Variants in SORT1 observed in about 807,000 individuals in gnomAD.
SORT1 encodes sortilin.
In SORT1, 39 loss-of-function variants were observed where a neutral mutation model predicts 101.7. The ratio of observed to expected loss-of-function variants is 0.38; its 90% CI spans 0.30 to 0.50. SORT1 has a LOEUF of 0.50. Ranked by LOEUF, SORT1 falls within the 20% of genes least tolerant of loss-of-function variation. The probability of loss-of-function intolerance (pLI) is 0.90; values close to 1 mark genes in which losing one functional copy is unlikely to be tolerated. For missense variants in SORT1, 878 were observed against 1,040.4 expected (o/e 0.84, Z 2.15); for synonymous variants, 396 against 393.7 (o/e 1.01, Z -0.07).
Position 109,347,595 on chromosome 1 carries a change from T to G in SORT1, c.783-63A>C, listed in dbSNP as rs1557800719. On this transcript the variant is annotated intron_variant, in intron 6 of 19. Transcript: ENST00000256637. Reference sequence around the variant, plus strand: ...AGACTGCTGAAGGACTGTGTTGACCTTACTCACAAACTTCCTAGCAGGTCT... The same window carrying G: ...AGACTGCTGAAGGACTGTGTTGACCGTACTCACAAACTTCCTAGCAGGTCT... The G allele has an allele frequency of 1.0e-5, 12 of 1,188,198 alleles. No homozygotes were observed. The East Asian group carries it at 2.8e-4, about 28-fold the overall frequency. The allele number at this position is 1,188,198 out of a possible 1,614,324, so 73.6% of individuals were successfully genotyped here.
At chr1:109,327,727 CTATT>C in intron 11 of SORT1, 126 bp from the exon 12 acceptor site, 3 of 527,740 alleles carry the variant, frequency 5.7e-6, no homozygotes, top group South Asian at 3.1e-5. Context: ...ACTATCTTAA[CTATT>C]TATTTACTAT....
intron 1 of SORT1, among the ~76,000 whole-genome samples, chr1:109,387,949 CA>C (rs913320279): frequency 1.0e-4 from 15 of 144,758 alleles, no homozygotes; most frequent in Non-Finnish European, 1.1e-4. Context: ...GACCCTGTCT[CA>C]AAAAAAAAAG....
intron 6 of SORT1, among the ~76,000 whole-genome samples, chr1:109,349,041 T>TA (rs1466353036): frequency 6.6e-6 from 1 of 152,144 alleles, no homozygotes; most frequent in East Asian, 1.9e-4. Flanking sequence ...CAATTTAACT[T>TA]AGTTATCTTA....
intron 11 of SORT1, among the ~76,000 whole-genome samples, chr1:109,334,949 A>AT (rs968893235): frequency 3.9e-5 from 6 of 152,096 alleles, no homozygotes; most frequent in African/African-American, 9.7e-5. Flanking sequence ...TTTTACTACT[A>AT]TTTTTTTAAA....
chr1:109,347,079 A>G (rs1346296361), intron 7 of SORT1, among the ~76,000 whole-genome samples: 1 of 152,232 alleles, frequency 6.6e-6, no homozygotes, highest in Non-Finnish European at 1.5e-5. Context: ...AGGTGCTCAA[A>G]TATCTGTTGA....
At chr1:109,368,334 T>C (rs989968446) in intron 2 of SORT1, 1 of 150,102 alleles carries the variant, frequency 6.7e-6, no homozygotes, top group African/African-American at 2.4e-5. Context: ...AGATACCAAC[T>C]ATCTAAGATA....
chr1:109,345,468 T>C (rs930532974), intron 8 of SORT1, among the ~76,000 whole-genome samples: 1 of 151,822 alleles, frequency 6.6e-6, no homozygotes, highest in Non-Finnish European at 1.5e-5. Flanking sequence ...TGAGCCGAGA[T>C]TGCGTCACTG....
intron 1 of SORT1, among the ~76,000 whole-genome samples, chr1:109,391,124 A>G (rs1161800170): frequency 2.6e-5 from 4 of 152,160 alleles, no homozygotes; most frequent in African/African-American, 4.8e-5. Context: ...AGCTTTTATT[A>G]GCATTAGATT....
intron 4 of SORT1, among the ~76,000 whole-genome samples, 164 bp from the exon 5 acceptor site, chr1:109,354,695 T>C (rs569858549): frequency 1.1e-4 from 17 of 152,204 alleles, no homozygotes; most frequent in Non-Finnish European, 2.2e-4. Context: ...TTGGGTCTTA[T>C]TCTTATAAAA....
intron 12 of SORT1, 39 bp downstream of exon 12, chr1:109,327,460 A>T (rs770360064): frequency 1.6e-6 from 2 of 1,286,902 alleles, no homozygotes; most frequent in Non-Finnish European, 2.2e-6. Flanking sequence ...GTGCTCAGCC[A>T]CTGTTCCAGT....
chr1:109,342,247 A>G, intron 8 of SORT1, 89 bp from the exon 9 acceptor site: 3 of 978,158 alleles, frequency 3.1e-6, no homozygotes, highest in Non-Finnish European at 4.6e-6. Flanking sequence ...AATAACTACT[A>G]TTATCCATTT....
chr1:109,361,156 T>C (rs1650698506), intron 3 of SORT1, among the ~76,000 whole-genome samples: 1 of 152,262 alleles, frequency 6.6e-6, no homozygotes. Context: ...AAGTCATTTC[T>C]CTTTTCCCAC....
rs1649545334 is a variant in SORT1, at chr1:109,345,813, C to A, written c.901G>T (p.Val301Leu). The A allele has an allele frequency of 2.5e-6, 4 of 1,613,634 alleles. No homozygotes were observed. Among genetic ancestry groups the A allele is most frequent in the Non-Finnish European group, 3.4e-6 (4 of 1,179,694 alleles). Residue 301 changes from valine (V) to leucine (L), a missense_variant, in exon 8 of 20, where the codon GTG becomes TTG. This residue lies in a region of SORT1 where 684 missense variants were observed against 894.5 expected (regional missense o/e 0.76). Transcript: ENST00000256637. ...DLGKSFKTIG[V>L]KIYSFGLGGR... ...CCAAGACCAAATGAGTAGATTTTCA[C>A]ACCAATAGTTTTGAAGCTTTTTCCC...
chr1:109,317,637 C>T (rs922475726), intron 16 of SORT1, among the ~76,000 whole-genome samples: 1 of 152,126 alleles, frequency 6.6e-6, no homozygotes, highest in African/African-American at 2.4e-5. Context: ...TGCTCTGCCT[C>T]GTGGTGTTGG....
At chr1:109,333,982 T>C (rs1173327940) in intron 11 of SORT1, among the ~76,000 whole-genome samples, 1 of 152,082 alleles carries the variant, frequency 6.6e-6, no homozygotes, top group African/African-American at 2.4e-5. Context: ...CCGTCACTAC[T>C]AAAGACACAA....
At chr1:109,329,802 C>A (rs1483595174) in intron 11 of SORT1, among the ~76,000 whole-genome samples, 1 of 152,178 alleles carries the variant, frequency 6.6e-6, no homozygotes, top group Non-Finnish European at 1.5e-5. Context: ...GATAGATCAT[C>A]CAGACAGAAA....
intron 3 of SORT1, among the ~76,000 whole-genome samples, chr1:109,357,306 C>T (rs1650388604): frequency 6.6e-6 from 1 of 152,202 alleles, no homozygotes; most frequent in African/African-American, 2.4e-5. Context: ...CAGAATGTAT[C>T]CCCATCATTA....
At chr1:109,389,463 A>G (rs1170652303) in intron 1 of SORT1, among the ~76,000 whole-genome samples, 1 of 152,180 alleles carries the variant, frequency 6.6e-6, no homozygotes, top group African/African-American at 2.4e-5. Flanking sequence ...ATGCAGCACC[A>G]TGTTGGGACA....
chr1:109,392,890 T>C (rs1323138789), intron 1 of SORT1: 19 of 985,008 alleles, frequency 1.9e-5, no homozygotes, highest in Non-Finnish European at 2.3e-5. Context: ...GATCCAAAGC[T>C]GAATGGAAGA....
Sources: allele counts gnomAD v4.1 joint callset (sites outside exome capture counted in the v4.1 genomes callset), GRCh38; gene constraint gnomAD v4.1.1; regional missense constraint gnomAD v4.1.1; transcripts MANE v1.5; gene names NCBI Gene and HGNC (gene_info 2026-07-23, HGNC 2026-07-21).